Variants in CPED1 observed in about 807,000 individuals in gnomAD.
The protein encoded by CPED1 is cadherin-like and PC-esterase domain-containing protein 1.
Under a neutral mutation model 128.2 loss-of-function variants are expected in CPED1, and 114 were observed. That is an observed-to-expected ratio of 0.89 (90% CI 0.76 to 1.04). The LOEUF is 1.04. CPED1 is among the 50% of genes least tolerant of loss of function. The probability of loss-of-function intolerance (pLI) is 0.00; values close to 1 mark genes in which losing one functional copy is unlikely to be tolerated. For synonymous variants in CPED1, 462 were observed against 426.7 expected, an observed-to-expected ratio of 1.08 and a Z score of -1.02; for missense variants, 1,211 against 1,207.1, an observed-to-expected ratio of 1.00 and a Z score of -0.05.
At chr7:121,081,843 A>G (rs1794303183) in intron 5 of CPED1, among the ~76,000 whole-genome samples, 1 of 152,196 alleles carries the variant, frequency 6.6e-6, no homozygotes, top group African/African-American at 2.4e-5. Flanking sequence ...GAGAACATTA[A>G]TTTGTTGAAC....
intron 16 of CPED1, among the ~76,000 whole-genome samples, chr7:121,158,005 AT>A (rs1175570971): frequency 6.6e-6 from 1 of 152,082 alleles, no homozygotes; most frequent in Non-Finnish European, 1.5e-5. Flanking sequence ...ACTGTAAAAA[AT>A]TTTTTGATGA....
intron 18 of CPED1, among the ~76,000 whole-genome samples, chr7:121,252,562 T>C (rs1261906149): frequency 6.6e-6 from 1 of 152,038 alleles, no homozygotes; most frequent in East Asian, 1.9e-4. Context: ...TTTCGCAACC[T>C]ACTCATCTGA....
At chr7:121,172,629 G>T (rs1170982571) in intron 16 of CPED1, among the ~76,000 whole-genome samples, 1 of 151,682 alleles carries the variant, frequency 6.6e-6, no homozygotes, top group Non-Finnish European at 1.5e-5. Flanking sequence ...TGGAGGAATG[G>T]TTGGGTGGGT....
chr7:121,177,293 A>G (rs2116487064), intron 16 of CPED1, among the ~76,000 whole-genome samples: 1 of 152,024 alleles, frequency 6.6e-6, no homozygotes, highest in South Asian at 2.1e-4. Context: ...ATTCAATGAT[A>G]TGTGTGTGTG....
intron 16 of CPED1, among the ~76,000 whole-genome samples, chr7:121,221,002 G>A (rs746525242): frequency 5.9e-5 from 9 of 151,720 alleles, no homozygotes; most frequent in Non-Finnish European, 1.3e-4. Context: ...AAGTTCTAGG[G>A]TATAAGTGCA....
chr7:121,295,126 G>T (rs1792796347), intron 22 of CPED1, among the ~76,000 whole-genome samples: 1 of 134,612 alleles, frequency 7.4e-6, no homozygotes, highest in African/African-American at 3.1e-5. Flanking sequence ...GTATGTCAGT[G>T]TGCCTGGCCT....
At chr7:121,155,212 T>C (rs1332805332) in intron 16 of CPED1, among the ~76,000 whole-genome samples, 1 of 152,008 alleles carries the variant, frequency 6.6e-6, no homozygotes, top group Non-Finnish European at 1.5e-5. Context: ...ATAAAAGAGG[T>C]CACAAATAAA....
At chr7:121,207,215 C>T (rs1287603765) in intron 16 of CPED1, among the ~76,000 whole-genome samples, 1 of 151,958 alleles carries the variant, frequency 6.6e-6, no homozygotes, top group Admixed American at 6.6e-5. Flanking sequence ...CATCATCTTA[C>T]ATATAAATCT....
intron 10 of CPED1, 98 bp from the exon 11 acceptor site, chr7:121,128,284 A>T: frequency 1.4e-6 from 1 of 695,738 alleles, no homozygotes; most frequent in Non-Finnish European, 2.6e-6. Flanking sequence ...TGTTTATAGA[A>T]CTCAAAATCT....
At chr7:121,294,806 C>CAAAAAAAAAAAAAAAAAAAAAA (rs752742828) in intron 22 of CPED1, among the ~76,000 whole-genome samples, 11 of 61,406 alleles carry the variant, frequency 1.8e-4, no homozygotes, top group Non-Finnish European at 2.8e-4. Context: ...GCCTTCTAAG[C>CAAAAAAAAAAAAAAAAAAAAAA]AAAAAAAAAA....
At chr7:121,260,596 G>C (rs1383951659) in intron 18 of CPED1, among the ~76,000 whole-genome samples, 2 of 151,774 alleles carry the variant, frequency 1.3e-5, no homozygotes, top group African/African-American at 4.8e-5. Flanking sequence ...GTTATGCTTG[G>C]CTCTGGACCT....
intron 22 of CPED1, among the ~76,000 whole-genome samples, chr7:121,278,293 G>A (rs1226979833): frequency 1.3e-5 from 2 of 152,144 alleles, no homozygotes; most frequent in Non-Finnish European, 2.9e-5. Flanking sequence ...GGCCCCTGAG[G>A]AGCAGGTTGA....
At chr7:121,155,677 C>A (rs191016456) in intron 16 of CPED1, among the ~76,000 whole-genome samples, 238 of 152,218 alleles carry the variant, frequency 1.6e-3, no homozygotes, top group Non-Finnish European at 2.7e-3. Context: ...TAAAACTAGA[C>A]CCTTATTTCT....
intron 17 of CPED1, among the ~76,000 whole-genome samples, chr7:121,242,609 T>A (rs1798422740): frequency 6.6e-6 from 1 of 152,148 alleles, no homozygotes; most frequent in African/African-American, 2.4e-5. Context: ...ATTTAGTAGA[T>A]AGACATTTAA....
intron 7 of CPED1, among the ~76,000 whole-genome samples, chr7:121,107,639 A>G (rs770553652): frequency 3.0e-4 from 45 of 152,264 alleles, no homozygotes; most frequent in Admixed American, 2.2e-3. Context: ...ATTGTCTCCA[A>G]AAATTAATCG....
At chr7:121,133,268 T>C (rs985374719) in intron 12 of CPED1, among the ~76,000 whole-genome samples, 3 of 152,094 alleles carry the variant, frequency 2.0e-5, no homozygotes, top group African/African-American at 7.2e-5. Context: ...TAAAGGGCAA[T>C]CTGGCCAAGT....
intron 5 of CPED1, among the ~76,000 whole-genome samples, chr7:121,089,961 T>C (rs2116181190): frequency 6.6e-6 from 1 of 152,314 alleles, no homozygotes; most frequent in Admixed American, 6.5e-5. Context: ...TTTCATGCTG[T>C]GTGGTCATTG....
intron 16 of CPED1, among the ~76,000 whole-genome samples, chr7:121,178,545 G>T (rs2116490791): frequency 6.6e-6 from 1 of 152,138 alleles, no homozygotes; most frequent in East Asian, 1.9e-4. Context: ...GGACAAAAAA[G>T]TTGTGCAGAC....
intron 16 of CPED1, among the ~76,000 whole-genome samples, chr7:121,231,054 T>C (rs1798125988): frequency 6.6e-6 from 1 of 152,024 alleles, no homozygotes; most frequent in African/African-American, 2.4e-5. Context: ...GCTGTGGTTA[T>C]GCCATGAAGA....
Sources: allele counts gnomAD v4.1 joint callset (sites outside exome capture counted in the v4.1 genomes callset), GRCh38; gene constraint gnomAD v4.1.1; transcripts MANE v1.5; gene names NCBI Gene and HGNC (gene_info 2026-07-23, HGNC 2026-07-21).